ADTRP: variants seen among roughly 807,000 people sequenced by gnomAD.
The protein encoded by ADTRP is androgen-dependent TFPI-regulating protein.
ADTRP carries 20 observed loss-of-function variants against 27.0 expected under a neutral mutation model. The ratio of observed to expected loss-of-function variants is 0.74; its 90% CI spans 0.52 to 1.08. The LOEUF is 1.08. Among genes scored for constraint, ADTRP ranks in the 50% least tolerant of loss-of-function variants. The pLI, the probability that ADTRP is intolerant of heterozygous loss-of-function variation, is 0.00. For synonymous variants in ADTRP, 101 were observed against 105.2 expected, an observed-to-expected ratio of 0.96 and a Z score of 0.25; for missense variants, 251 against 275.0, an observed-to-expected ratio of 0.91 and a Z score of 0.62.
intron 3 of ADTRP, among the ~76,000 whole-genome samples, chr6:11,741,985 A>G (rs1762734282): frequency 6.6e-6 from 1 of 152,074 alleles, no homozygotes; most frequent in African/African-American, 2.4e-5. Context: ...CCCAGGCATC[A>G]CTTCCTTAGC....
At chr6:11,765,156 G>T (rs1055265906) in intron 3 of ADTRP, among the ~76,000 whole-genome samples, 1 of 151,926 alleles carries the variant, frequency 6.6e-6, no homozygotes, top group African/African-American at 2.4e-5. Context: ...GGAGACTGGG[G>T]CTTGTGGCAG....
chr6:11,730,891 G>A (rs1392944091), intron 4 of ADTRP, among the ~76,000 whole-genome samples: 1 of 152,236 alleles, frequency 6.6e-6, no homozygotes, highest in Admixed American at 6.5e-5. Flanking sequence ...CAGGCCAGCT[G>A]GGGTGGTTGC....
rs143155143 is a variant in ADTRP, at chr6:11,735,680, T to C, written c.394A>G (p.Thr132Ala). 1.9e-6 allele frequency: 3 copies of C among 1,610,600 alleles called. No homozygotes were observed. The highest frequency in any genetic ancestry group is 1.3e-5 in the African/African-American group (1 of 74,902). Residue 132 changes from threonine (T) to alanine (A), a missense_variant, in exon 4 of 6, where the codon ACT becomes GCT. Transcript: ENST00000414691. ...GCCAATGTGATGGGGAATATGAAAGTGTGCTGCAGGAGAGAAAATGGCAAA... is the reference window on the plus strand; with the variant it reads ...GCCAATGTGATGGGGAATATGAAAGCGTGCTGCAGGAGAGAAAATGGCAAA... ...IPVWLNHAMH[T>A]FIFPITLAEV...
intron 1 of ADTRP, among the ~76,000 whole-genome samples, chr6:11,774,638 C>T (rs544096646): frequency 1.2e-4 from 17 of 144,142 alleles, no homozygotes; most frequent in African/African-American, 3.0e-4. Context: ...GTGTCAGGGG[C>T]GTGGGGAGGG....
chr6:11,730,033 T>C (rs886600770), intron 4 of ADTRP, among the ~76,000 whole-genome samples: 9 of 152,196 alleles, frequency 5.9e-5, no homozygotes, highest in African/African-American at 1.9e-4. Flanking sequence ...CTTCATGCCG[T>C]TATTATTTCT....
intron 3 of ADTRP, among the ~76,000 whole-genome samples, chr6:11,764,337 G>A (rs192524707): frequency 2.0e-5 from 3 of 152,060 alleles, no homozygotes; most frequent in Non-Finnish European, 2.9e-5. Flanking sequence ...ACCCTGAAGT[G>A]GGGGGGAGAT....
At chr6:11,727,962 G>A (rs210898) in intron 4 of ADTRP, among the ~76,000 whole-genome samples, 77,273 of 128,158 alleles carry the variant, frequency 0.6, 23,870 homozygotes, top group Non-Finnish European at 0.71. Flanking sequence ...AGGGAGGCAG[G>A]GAGGGAGGGA....
At chr6:11,773,406 G>T (rs554541075) in intron 1 of ADTRP, among the ~76,000 whole-genome samples, 12 of 152,216 alleles carry the variant, frequency 7.9e-5, no homozygotes, top group African/African-American at 2.2e-4. Flanking sequence ...GGATTGAAGT[G>T]GGGGAGGCTA....
chr6:11,731,683 A>T (rs988410333), intron 4 of ADTRP, among the ~76,000 whole-genome samples: 2 of 151,654 alleles, frequency 1.3e-5, no homozygotes, highest in Admixed American at 6.6e-5. Flanking sequence ...GCTCAGATCC[A>T]ATGCATGCCT....
chr6:11,760,609 A>C (rs748022847), intron 3 of ADTRP, among the ~76,000 whole-genome samples: 3 of 152,178 alleles, frequency 2.0e-5, no homozygotes, highest in Non-Finnish European at 4.4e-5. Flanking sequence ...AACTTTAAAA[A>C]CAATCTGCAT....
intron 1 of ADTRP, among the ~76,000 whole-genome samples, chr6:11,773,700 A>G (rs972633459): frequency 6.6e-6 from 1 of 152,204 alleles, no homozygotes; most frequent in African/African-American, 2.4e-5. Context: ...TGGGTGCCTT[A>G]TCAGAGTATC....
intron 4 of ADTRP, among the ~76,000 whole-genome samples, chr6:11,727,074 G>A (rs948129631): frequency 3.3e-5 from 5 of 152,150 alleles, no homozygotes; most frequent in Non-Finnish European, 7.4e-5. Flanking sequence ...TCAGGCTGGA[G>A]TGCAGTGGTG....
chr6:11,721,158 G>T (rs1762013168), intron 5 of ADTRP, among the ~76,000 whole-genome samples: 4 of 152,250 alleles, frequency 2.6e-5, no homozygotes, highest in Admixed American at 2.6e-4. Context: ...GCTGACCAGG[G>T]AAGGCTTCCT....
chr6:11,772,213 G>A (rs972582493), intron 1 of ADTRP, among the ~76,000 whole-genome samples: 12 of 152,108 alleles, frequency 7.9e-5, no homozygotes, highest in African/African-American at 1.7e-4. Flanking sequence ...TTCCCACTGC[G>A]TGTTCCGTGC....
At chr6:11,753,106 T>C (rs1217357665) in intron 3 of ADTRP, among the ~76,000 whole-genome samples, 1 of 152,190 alleles carries the variant, frequency 6.6e-6, no homozygotes, top group Admixed American at 6.5e-5. Flanking sequence ...AGTTGAGGTT[T>C]TCTGGTACTT....
intron 3 of ADTRP, among the ~76,000 whole-genome samples, chr6:11,764,524 G>T (rs1007645528): frequency 1.1e-4 from 17 of 150,974 alleles, no homozygotes; most frequent in African/African-American, 3.6e-4. Flanking sequence ...TTTTGGTTTA[G>T]TAGCATACAG....
chr6:11,715,000 G>A (rs555408302), intron 5 of ADTRP, among the ~76,000 whole-genome samples: 2 of 152,314 alleles, frequency 1.3e-5, no homozygotes, highest in African/African-American at 4.8e-5. Context: ...TTAGGTTTGA[G>A]TAAGCTCATT....
At chr6:11,720,304 C>T (rs561939028) in intron 5 of ADTRP, among the ~76,000 whole-genome samples, 1 of 152,038 alleles carries the variant, frequency 6.6e-6, no homozygotes, top group Non-Finnish European at 1.5e-5. Flanking sequence ...AGTGCCCAAG[C>T]CTAGACAATA....
At chr6:11,718,607 G>A (rs1761910850) in intron 5 of ADTRP, among the ~76,000 whole-genome samples, 1 of 152,204 alleles carries the variant, frequency 6.6e-6, no homozygotes, top group Admixed American at 6.5e-5. Flanking sequence ...TGTCTTGCCA[G>A]AGACAGCTTC....
Sources: allele counts gnomAD v4.1 joint callset (sites outside exome capture counted in the v4.1 genomes callset), GRCh38; gene constraint gnomAD v4.1.1; transcripts MANE v1.5; gene names NCBI Gene and HGNC (gene_info 2026-07-23, HGNC 2026-07-21).